FAM151B: variants seen among roughly 807,000 people sequenced by gnomAD.
FAM151B encodes the protein protein FAM151B.
Under a neutral mutation model 31.2 loss-of-function variants are expected in FAM151B, and 24 were observed. That is an observed-to-expected ratio of 0.77 (90% CI 0.56 to 1.08). The LOEUF (loss-of-function observed/expected upper bound fraction) is 1.08. Ranked by LOEUF, FAM151B falls within the 50% of genes least tolerant of loss-of-function variation. FAM151B has a pLI of 0.00. For missense variants in FAM151B, 293 were observed against 328.6 expected (o/e 0.89, Z 0.84); for synonymous variants, 105 against 111.4 (o/e 0.94, Z 0.36).
In FAM151B at chr5:80,501,851, G is replaced by A. The variant is rs771669308; in HGVS notation, c.85G>A (p.Asp29Asn). ...FLRNSQITAE[D>N]GAEITWYHAA... ...GAGAAATAGCCAGATTACAGCAGAAGACGGTGCTGAGATCACCTGGTATCA... is the reference window on the plus strand; with the variant it reads ...GAGAAATAGCCAGATTACAGCAGAAAACGGTGCTGAGATCACCTGGTATCA... Residue 29 changes from aspartate (D) to asparagine (N), a missense_variant, in exon 2 of 6, where the codon GAC (aspartate) becomes AAC (asparagine). Asp to Asn is a conservative substitution (Grantham distance 23). Coordinates refer to ENST00000282226, the MANE Select transcript of FAM151B (RefSeq NM_205548.3). 5.0e-6 allele frequency: 8 copies of A among 1,604,790 alleles called. No homozygotes were observed. The highest frequency in any genetic ancestry group is 6.8e-6 in the Non-Finnish European group (8 of 1,174,344).
At chr5:80,496,664 C>T (rs538615782) in intron 1 of FAM151B, among the ~76,000 whole-genome samples, 22 of 152,138 alleles carry the variant, frequency 1.4e-4, no homozygotes, top group Non-Finnish European at 2.8e-4. Flanking sequence ...TTCTAACAGA[C>T]ATACCACACT....
intron 1 of FAM151B, among the ~76,000 whole-genome samples, chr5:80,489,709 G>T (rs973814015): frequency 2.0e-5 from 3 of 152,178 alleles, no homozygotes; most frequent in African/African-American, 7.2e-5. Flanking sequence ...CGGATCACGA[G>T]GTCAGGAGAT....
intron 5 of FAM151B, among the ~76,000 whole-genome samples, chr5:80,538,448 C>CTTTCTTTCTCTTTCTTTCTT (rs1235874356): frequency 4.1e-5 from 2 of 49,360 alleles, no homozygotes; most frequent in East Asian, 6.3e-4. Flanking sequence ...TTCTTTCTTT[C>CTTTCTTTCTCTTTCTTTCTT]TCTTTCTTTC....
intron 5 of FAM151B, among the ~76,000 whole-genome samples, chr5:80,531,082 G>A (rs948166607): frequency 1.1e-4 from 16 of 152,012 alleles, no homozygotes; most frequent in South Asian, 2.1e-4. Flanking sequence ...AAATGAGACC[G>A]CACGTCTGCA....
chr5:80,532,093 A>G (rs373479157), intron 5 of FAM151B, among the ~76,000 whole-genome samples: 11 of 151,278 alleles, frequency 7.3e-5, no homozygotes, highest in African/African-American at 2.4e-4. Flanking sequence ...TGTAGGGACC[A>G]TCATTCTCAG....
At position 80,519,849 on chromosome 5, in the gene FAM151B, T is replaced by A. The variant is rs758796080; in HGVS notation, c.474T>A (p.Phe158Leu). The A allele has an allele frequency of 6.2e-7, 1 of 1,614,028 alleles. No homozygotes were observed. Among genetic ancestry groups the A allele is most frequent in the African/African-American group, 1.3e-5 (1 of 74,914 alleles). The change falls in exon 4 of 6, where the codon TTT becomes TTA. Residue 158 changes from phenylalanine to leucine, a missense_variant. Phe to Leu is a conservative substitution (Grantham distance 22). Coordinates refer to ENST00000282226, the MANE Select transcript of FAM151B (RefSeq NM_205548.3). ...TTTTAGACACCGTGATATCCTTCTT[T>A]CCAGACGTGACGTTTTCCCTGGGTT... ...KPFLDTVISF[F>L]PDVTFSLGWT...
chr5:80,488,748 A>G (rs1006640801), intron 1 of FAM151B, among the ~76,000 whole-genome samples: 9 of 152,184 alleles, frequency 5.9e-5, no homozygotes, highest in Admixed American at 5.2e-4. Flanking sequence ...TTTTTTCCCT[A>G]ATTGTAAAAA....
At position 80,501,850 on chromosome 5, in the gene FAM151B, A is replaced by G; in HGVS notation, c.84A>G (p.Glu28=). The change falls in exon 2 of 6, where the codon GAA becomes GAG. Residue 28 remains glutamate (E), a synonymous_variant. Coordinates refer to ENST00000282226, the MANE Select transcript of FAM151B (RefSeq NM_205548.3). ...YFLRNSQITA[E]DGAEITWYHA... is the part of the protein sequence containing the mutation. The stretch of plus-strand genomic sequence containing the variant: ...TGAGAAATAGCCAGATTACAGCAGA[A>G]GACGGTGCTGAGATCACCTGGTATC... 1 of 1,605,488 alleles carries G rather than the reference A, an allele frequency of 6.2e-7. No homozygotes were observed. The highest frequency in any genetic ancestry group is 1.1e-5 in the South Asian group (1 of 89,892).
rs141136168 is a variant in FAM151B, at chr5:80,526,615, G to A, written c.671+4477G>A. ...AGCCTGTGCGGCTGAACAAGATTCC[G>A]TCTAAAAAAAAATAGTCTTTCAATT... On this transcript the variant is annotated intron_variant, in intron 5 of 5. Coordinates refer to ENST00000282226, the MANE Select transcript of FAM151B (RefSeq NM_205548.3). Among the ~76,000 whole-genome samples, 301 of 151,778 alleles carry A rather than the reference G, an allele frequency of 2.0e-3. 1 individual carries two copies. The highest frequency in any genetic ancestry group is 3.1e-3 in the Non-Finnish European group (210 of 67,906).
At chr5:80,516,125 G>A (rs1336214032) in intron 3 of FAM151B, among the ~76,000 whole-genome samples, 1 of 152,176 alleles carries the variant, frequency 6.6e-6, no homozygotes, top group African/African-American at 2.4e-5. Context: ...AGGAGTTCTA[G>A]ACCAGCCTGA....
chr5:80,533,275 G>A (rs1580455758), intron 5 of FAM151B, among the ~76,000 whole-genome samples: 1 of 152,084 alleles, frequency 6.6e-6, no homozygotes, highest in African/African-American at 2.4e-5. Context: ...TACTCGGGAG[G>A]CTGAGGCAGG....
At chr5:80,504,726 G>A (rs979940535) in intron 2 of FAM151B, among the ~76,000 whole-genome samples, 4 of 151,798 alleles carry the variant, frequency 2.6e-5, no homozygotes, top group Non-Finnish European at 4.4e-5. Flanking sequence ...CACCATGTTG[G>A]CTAGGATGGT....
At chr5:80,492,132 T>G (rs1743353897) in intron 1 of FAM151B, among the ~76,000 whole-genome samples, 1 of 152,040 alleles carries the variant, frequency 6.6e-6, no homozygotes, top group African/African-American at 2.4e-5. Context: ...AAGCATTCCT[T>G]GTTTTATTGT....
At chr5:80,518,298 T>C (rs972588910) in intron 3 of FAM151B, among the ~76,000 whole-genome samples, 7 of 152,142 alleles carry the variant, frequency 4.6e-5, no homozygotes, top group Admixed American at 2.0e-4. Flanking sequence ...CATGCATGGA[T>C]TAGTTCAAGG....
At chr5:80,501,993 T>G in intron 2 of FAM151B, 76 bp downstream of exon 2, 1 of 1,224,404 alleles carries the variant, frequency 8.2e-7, no homozygotes, top group South Asian at 2.1e-5. Flanking sequence ...TCTAGGTATA[T>G]TTGCAGATAC....
In FAM151B at chr5:80,500,816, A is replaced by G. The variant is rs1375749701; in HGVS notation, c.26-976A>G. 1.3e-5 allele frequency: 20 copies of G among 1,486,562 alleles called. No individual in the cohort carries two copies. The South Asian group carries it at 2.1e-4, about 16-fold the overall frequency. 92.1% of individuals were successfully genotyped at this position (1,486,562 alleles called of 1,614,324 possible). Reference sequence around the variant, plus strand: ...TACAAGCGTGGTTATGGCAAAATCAATAAGAAGCGAATTGCTTTAACAGAT... The same window carrying G: ...TACAAGCGTGGTTATGGCAAAATCAGTAAGAAGCGAATTGCTTTAACAGAT... On this transcript the variant is annotated intron_variant, in intron 1 of 5. Coordinates refer to ENST00000282226, the MANE Select transcript of FAM151B (RefSeq NM_205548.3).
intron 5 of FAM151B, among the ~76,000 whole-genome samples, chr5:80,541,316 C>G (rs890467850): frequency 2.6e-5 from 4 of 152,172 alleles, no homozygotes; most frequent in Non-Finnish European, 5.9e-5. Context: ...TGACCAGGCT[C>G]CTGAACAAAC....
chr5:80,518,915 T>C (rs958656267), intron 3 of FAM151B: 13 of 152,174 alleles, frequency 8.5e-5, no homozygotes, highest in African/African-American at 2.9e-4. Context: ...CCTCCCATTA[T>C]GATATTCACT....
intron 5 of FAM151B, among the ~76,000 whole-genome samples, chr5:80,526,544 T>G (rs1355606642): frequency 6.6e-6 from 1 of 152,034 alleles, no homozygotes; most frequent in Non-Finnish European, 1.5e-5. Context: ...CGCTTGAATT[T>G]GGGAGATGGT....
Sources: gnomAD v4.1 joint callset for allele counts (sites outside exome capture counted in the v4.1 genomes callset) on GRCh38, gnomAD v4.1.1 for gene constraint, MANE v1.5 for transcripts, NCBI Gene and HGNC (gene_info 2026-07-23, HGNC 2026-07-21) for gene names.